The following PLA2G15 variants were observed in gnomAD, a reference collection of about 807,000 sequenced individuals.
PLA2G15 encodes lysosomal phospholipase A and acyltransferase.
A neutral mutation model predicts 40.9 loss-of-function variants in PLA2G15; 20 were observed. The ratio of observed to expected loss-of-function variants is 0.49; its 90% CI spans 0.34 to 0.71. The LOEUF (loss-of-function observed/expected upper bound fraction) is 0.71. PLA2G15 is among the 30% of genes least tolerant of loss of function. The pLI, the probability that PLA2G15 is intolerant of heterozygous loss-of-function variation, is 0.01. For synonymous variants in PLA2G15, 223 were observed against 228.2 expected, an observed-to-expected ratio of 0.98 and a Z score of 0.21; for missense variants, 471 against 541.9, an observed-to-expected ratio of 0.87 and a Z score of 1.30.
At chr16:68,245,891 G>A (rs1189687022) in intron 1 of PLA2G15, among the ~76,000 whole-genome samples, 1 of 152,192 alleles carries the variant, frequency 6.6e-6, no homozygotes, top group East Asian at 1.9e-4. Context: ...CACTCCTGAG[G>A]GATGGTGGGG....
Position 68,255,872 on chromosome 16 carries a change from C to T in PLA2G15, c.609C>T (p.Tyr203=), listed in dbSNP as rs1193272183. The part of the protein sequence containing the change: ...VLVAHSMGNM[Y]TLYFLQRQPQ... ...TTGCCCACAGTATGGGCAACATGTACACGCTCTACTTTCTGCAGCGGCAGC... is the reference window on the plus strand; with the variant it reads ...TTGCCCACAGTATGGGCAACATGTATACGCTCTACTTTCTGCAGCGGCAGC... The change falls in exon 5 of 6, where the codon TAC becomes TAT. Residue 203 remains tyrosine (Y), a synonymous_variant. Transcript: ENST00000219345. The surrounding 1 kb of genome is among the most constrained non-coding windows in gnomAD (Gnocchi z 5.9). 15 of 1,614,114 alleles carry T rather than the reference C, an allele frequency of 9.3e-6. No individual in the cohort carries two copies. Among genetic ancestry groups the T allele is most frequent in the Non-Finnish European group, 1.3e-5 (15 of 1,179,964 alleles).
chr16:68,246,372 AGCTGGTGTGTCCGTG>A (rs1481220527), intron 1 of PLA2G15, among the ~76,000 whole-genome samples: 1 of 152,186 alleles, frequency 6.6e-6, no homozygotes, highest in African/African-American at 2.4e-5. Flanking sequence ...TCCCATCCAG[AGCTGGTGTGTCCGTG>A]GCCAGCCAGG....
At chr16:68,248,684 G>A in intron 1 of PLA2G15, 1 of 995,888 alleles carries the variant, frequency 1.0e-6, no homozygotes, top group Non-Finnish European at 1.2e-6. Context: ...CCTGCGCCCT[G>A]CCTCGAAGGT....
Position 68,259,701 on chromosome 16 carries a change from G to C in PLA2G15, c.*44G>C. On this transcript the variant is annotated 3_prime_UTR_variant, in exon 6 of 6. Coordinates refer to ENST00000219345, the MANE Select transcript of PLA2G15 (RefSeq NM_012320.4). This position sits in a 1 kb window ranked among gnomAD's most constrained non-coding sequence, Gnocchi z 6.5. ...CCTGTGGCTCGGCCGTGGACCTGCT[G>C]TTGGCCTCTGGGGCTGTCATGGCCC... 1.3e-6 allele frequency: 2 copies of C among 1,580,384 alleles called. No homozygotes were observed. The highest frequency in any genetic ancestry group is 1.7e-6 in the Non-Finnish European group (2 of 1,162,168).
intron 2 of PLA2G15, chr16:68,252,429 G>A (rs945077626): frequency 2.1e-5 from 8 of 381,370 alleles, no homozygotes; most frequent in South Asian, 7.6e-5. Flanking sequence ...TCCCAGCCTC[G>A]CACAGAGGCA....
At chr16:68,254,110 T>A (rs920923018) in intron 2 of PLA2G15, among the ~76,000 whole-genome samples, 4 of 151,960 alleles carry the variant, frequency 2.6e-5, no homozygotes, top group Non-Finnish European at 5.9e-5. Context: ...GACTGCCTCT[T>A]GGGGTCCAGT....
Position 68,245,413 on chromosome 16 carries a change from G to C in PLA2G15, c.-14G>C. 1.2e-6 allele frequency: 2 copies of C among 1,601,728 alleles called. No individual in the cohort carries two copies. The highest frequency in any genetic ancestry group is 2.2e-5 in the East Asian group (1 of 44,842). On this transcript the variant is annotated 5_prime_UTR_variant, in exon 1 of 6. Transcript: ENST00000219345. The stretch of plus-strand genomic sequence containing the variant: ...TGAACCTGCATCCCGGACCTGCGGC[G>C]ACCGTCGTACACCATGGGCCTCCAC...
rs529435087 is a variant in PLA2G15, at chr16:68,255,105, G to C, written c.403+68G>C. ...TTTCTGCCGGACTGGAGCTGGAGCT[G>C]GAGGAACTCTGCTGGTTTGTAGGGA... On this transcript the variant is annotated intron_variant, in intron 3 of 5. Coordinates refer to ENST00000219345, the MANE Select transcript of PLA2G15 (RefSeq NM_012320.4). The surrounding 1 kb of genome is among the most constrained non-coding windows in gnomAD (Gnocchi z 5.9). The C allele has an allele frequency of 8.6e-7, 1 of 1,159,390 alleles. No homozygotes were observed. The highest frequency in any genetic ancestry group is 1.2e-5 in the South Asian group (1 of 81,172). The allele number at this position is 1,159,390 out of a possible 1,614,324, so 71.8% of individuals were successfully genotyped here. A position where few individuals can be genotyped will look rare whatever the true frequency, so the allele number is the denominator to read the frequency against.
intron 2 of PLA2G15, 81 bp downstream of exon 2, chr16:68,249,527 C>T: frequency 3.0e-6 from 4 of 1,345,100 alleles, no homozygotes; most frequent in Non-Finnish European, 4.2e-6. Flanking sequence ...CTTCTATCCT[C>T]ATCTCGAGGT....
At chr16:68,245,615 C>T (rs2042302698) in intron 1 of PLA2G15, 62 bp downstream of exon 1, 3 of 1,515,200 alleles carry the variant, frequency 2.0e-6, no homozygotes. Context: ...GGCGGGGCTG[C>T]CTTCCCGGTC....
chr16:68,255,446 C>G lies in PLA2G15; in HGVS notation c.502+66C>G. ...GTAGGGGTGAGGTGATCATGGGCAC[C>G]ACAGACCTTGGGCTCTCCCCTTGTC... is the stretch of plus-strand genomic sequence containing the variant. On this transcript the variant is annotated intron_variant, in intron 4 of 5. Transcript: ENST00000219345. The surrounding 1 kb of genome is among the most constrained non-coding windows in gnomAD (Gnocchi z 5.9). The G allele has an allele frequency of 1.8e-6, 2 of 1,111,660 alleles. No homozygotes were observed. Among genetic ancestry groups the G allele is most frequent in the Non-Finnish European group, 2.6e-6 (2 of 763,564 alleles). 68.9% of individuals were successfully genotyped at this position (1,111,660 alleles called of 1,614,324 possible).
intron 2 of PLA2G15, chr16:68,253,632 T>G (rs1417215795): frequency 1.5e-5 from 4 of 275,582 alleles, no homozygotes; most frequent in South Asian, 1.2e-4. Context: ...GCCTCAGCCT[T>G]CCAAAGTGCT....
rs1208673757 is a variant in PLA2G15, at chr16:68,245,455, T to G, written c.29T>G (p.Val10Gly). 1 of 1,606,032 alleles carries G rather than the reference T, an allele frequency of 6.2e-7. No individual in the cohort carries two copies. The highest frequency in any genetic ancestry group is 8.5e-7 in the Non-Finnish European group (1 of 1,179,674). The change falls in exon 1 of 6, where the codon GTG becomes GGG. Residue 10 changes from valine (V) to glycine (G), a missense_variant. Val to Gly is a moderately radical substitution (Grantham distance 109, BLOSUM62 -3). Coordinates refer to ENST00000219345, the MANE Select transcript of PLA2G15 (RefSeq NM_012320.4). ...GGCCTCCACCTCCGCCCCTACCGTGTGGGGCTGCTCCCGGATGGCCTCCTG... is the reference window on the plus strand; with the variant it reads ...GGCCTCCACCTCCGCCCCTACCGTGGGGGGCTGCTCCCGGATGGCCTCCTG... MGLHLRPYR[V>G]GLLPDGLLFL...
chr16:68,246,637 C>T (rs2042311638), intron 1 of PLA2G15, among the ~76,000 whole-genome samples: 2 of 152,116 alleles, frequency 1.3e-5, no homozygotes, highest in African/African-American at 4.8e-5. Context: ...GCCCTGCCTC[C>T]CCAAAGCTTG....
chr16:68,255,391 A>C lies in PLA2G15; in HGVS notation c.502+11A>C, dbSNP rs1368518901. The C allele has an allele frequency of 1.3e-6, 2 of 1,589,420 alleles. No homozygotes were observed. The highest frequency in any genetic ancestry group is 1.7e-6 in the Non-Finnish European group (2 of 1,161,160). On this transcript the variant is annotated intron_variant, in intron 4 of 5. Coordinates refer to ENST00000219345, the MANE Select transcript of PLA2G15 (RefSeq NM_012320.4). The surrounding 1 kb of genome is among the most constrained non-coding windows in gnomAD (Gnocchi z 5.9). ...GGCGCCGAGCCCCAAGTAAGCAGGC[A>C]CTCTCATTCCCTCCCTGACGTCTCG...
intron 2 of PLA2G15, among the ~76,000 whole-genome samples, chr16:68,250,705 C>T (rs1182522202): frequency 2.0e-5 from 3 of 152,122 alleles, no homozygotes; most frequent in Admixed American, 2.0e-4. Context: ...TGGTGAAACC[C>T]CATCTCTACC....
At chr16:68,252,073 C>G (rs2042359621) in intron 2 of PLA2G15, among the ~76,000 whole-genome samples, 1 of 152,120 alleles carries the variant, frequency 6.6e-6, no homozygotes, top group South Asian at 2.1e-4. Flanking sequence ...CAGCTGATAC[C>G]AAGAGGGGCC....
At chr16:68,254,856 T>A (rs2042387507) in intron 2 of PLA2G15, 63 bp from the exon 3 acceptor site, 2 of 1,008,028 alleles carry the variant, frequency 2.0e-6, no homozygotes, top group Non-Finnish European at 3.1e-6. Context: ...CATGATGCAC[T>A]GTTGGGACAC....
At chr16:68,253,594 C>T (rs2042372853) in intron 2 of PLA2G15, 7 of 316,640 alleles carry the variant, frequency 2.2e-5, no homozygotes, top group South Asian at 1.2e-4. Flanking sequence ...AGGCTGGTCT[C>T]GAACTCCTAA....
Sources: allele counts gnomAD v4.1 joint callset (sites outside exome capture counted in the v4.1 genomes callset), GRCh38; gene constraint gnomAD v4.1.1; non-coding constraint Gnocchi (gnomAD v3.1); transcripts MANE v1.5; gene names NCBI Gene and HGNC (gene_info 2026-07-23, HGNC 2026-07-21).